Variants in KHDRBS2 observed in about 807,000 individuals in gnomAD.
KHDRBS2 encodes KH RNA binding domain containing, signal transduction associated 2.
KHDRBS2 carries 26 observed loss-of-function variants against 44.3 expected under a neutral mutation model. The ratio of observed to expected loss-of-function variants is 0.59; its 90% confidence interval spans 0.43 to 0.81. KHDRBS2 has a LOEUF of 0.81. KHDRBS2 is among the 40% of genes least tolerant of loss of function. KHDRBS2 has a pLI of 0.00. For synonymous variants in KHDRBS2, 194 were observed against 151.1 expected (o/e 1.28, Z -2.08); for missense variants, 476 against 433.1 (o/e 1.10, Z -0.88).
intron 6 of KHDRBS2, among the ~76,000 whole-genome samples, chr6:61,735,587 T>A (rs1345462816): frequency 6.6e-6 from 1 of 152,166 alleles, no homozygotes; most frequent in Non-Finnish European, 1.5e-5. Flanking sequence ...TCCCCAACCT[T>A]TTATTGCTTC....
intron 1 of KHDRBS2, among the ~76,000 whole-genome samples, chr6:62,224,938 T>G: frequency 6.6e-6 from 1 of 152,198 alleles, no homozygotes; most frequent in East Asian, 1.9e-4. Context: ...TTAACCATGA[T>G]CCCCAAGTTG....
At chr6:61,964,059 C>T (rs1401955044) in intron 4 of KHDRBS2, among the ~76,000 whole-genome samples, 1 of 151,966 alleles carries the variant, frequency 6.6e-6, no homozygotes, top group Non-Finnish European at 1.5e-5. Context: ...ACATGTACTT[C>T]TTTTCCTCTG....
chr6:61,845,685 A>AACT (rs1794302776), intron 6 of KHDRBS2, among the ~76,000 whole-genome samples: 1 of 152,178 alleles, frequency 6.6e-6, no homozygotes, highest in Admixed American at 6.5e-5. Flanking sequence ...CTTCTCACTA[A>AACT]ACTACTACTG....
intron 4 of KHDRBS2, among the ~76,000 whole-genome samples, chr6:61,943,481 AC>A (rs1369142997): frequency 5.9e-5 from 9 of 152,130 alleles, no homozygotes; most frequent in African/African-American, 2.2e-4. Context: ...ATATCAATAA[AC>A]TTGAATGTAA....
chr6:61,770,924 G>C (rs992730674), intron 6 of KHDRBS2, among the ~76,000 whole-genome samples: 1 of 152,148 alleles, frequency 6.6e-6, no homozygotes, highest in Non-Finnish European at 1.5e-5. Context: ...AAATGTTAAG[G>C]GCAGCCAGAG....
At chr6:61,786,191 GGAGA>G (rs142950018) in intron 6 of KHDRBS2, among the ~76,000 whole-genome samples, 2 of 151,448 alleles carry the variant, frequency 1.3e-5, no homozygotes, top group East Asian at 3.9e-4. Context: ...AGAGGGAGAG[GGAGA>G]GAGAGAGAGA....
chr6:62,271,361 G>A (rs1840059960), intron 1 of KHDRBS2, among the ~76,000 whole-genome samples: 1 of 152,058 alleles, frequency 6.6e-6, no homozygotes, highest in Non-Finnish European at 1.5e-5. Flanking sequence ...AACCTACTGT[G>A]CTGCCAGTAG....
At chr6:62,092,634 G>A (rs1799697752) in intron 2 of KHDRBS2, among the ~76,000 whole-genome samples, 1 of 151,972 alleles carries the variant, frequency 6.6e-6, no homozygotes, top group Admixed American at 6.6e-5. Flanking sequence ...CTATTACATT[G>A]TTTCCTAAAG....
chr6:62,236,401 C>T (rs1252805066), intron 1 of KHDRBS2, among the ~76,000 whole-genome samples: 2 of 151,844 alleles, frequency 1.3e-5, no homozygotes, highest in East Asian at 1.9e-4. Flanking sequence ...GGATTTACAA[C>T]ATAATTCTAC....
the KHDRBS2 span, among the ~76,000 whole-genome samples, chr6:61,621,473 C>A: frequency 6.6e-6 from 1 of 152,184 alleles, no homozygotes; most frequent in Non-Finnish European, 1.5e-5. Context: ...AGAGCTGACA[C>A]AGCTGAGTAG....
At chr6:61,624,427 A>G in the KHDRBS2 span, among the ~76,000 whole-genome samples, 2 of 152,220 alleles carry the variant, frequency 1.3e-5, no homozygotes, top group African/African-American at 4.8e-5. Context: ...TAGAAGAACC[A>G]GGAGATCACC....
the KHDRBS2 span, among the ~76,000 whole-genome samples, chr6:61,592,188 C>CAAAAAAAAAAAA: frequency 8.2e-6 from 1 of 122,280 alleles, no homozygotes. Context: ...AAGATCCCAC[C>CAAAAAAAAAAAA]AAAAAAAAAA....
At chr6:62,169,048 T>TC (rs1167432141) in intron 2 of KHDRBS2, among the ~76,000 whole-genome samples, 2 of 140,594 alleles carry the variant, frequency 1.4e-5, no homozygotes, top group African/African-American at 2.6e-5. Context: ...TATATATATA[T>TC]ATATATATAT....
intron 2 of KHDRBS2, among the ~76,000 whole-genome samples, chr6:62,098,143 T>C (rs1284877231): frequency 6.6e-6 from 1 of 152,112 alleles, no homozygotes; most frequent in Admixed American, 6.6e-5. Flanking sequence ...CTTATCTTCA[T>C]TCTAAAGATA....
the KHDRBS2 span, among the ~76,000 whole-genome samples, chr6:61,561,369 G>C: frequency 9.2e-5 from 14 of 152,202 alleles, no homozygotes; most frequent in South Asian, 2.3e-3. Context: ...TCTACTACCT[G>C]GCTACTGCCT....
At chr6:62,226,522 G>A in intron 1 of KHDRBS2, among the ~76,000 whole-genome samples, 1 of 152,148 alleles carries the variant, frequency 6.6e-6, no homozygotes, top group East Asian at 1.9e-4. Context: ...TTGTTGTGCA[G>A]AAGATCTTTA....
the KHDRBS2 span, among the ~76,000 whole-genome samples, chr6:61,656,359 A>C: frequency 1.3e-5 from 2 of 151,914 alleles, no homozygotes; most frequent in African/African-American, 4.8e-5. Context: ...AATCCTATGA[A>C]GTTCTCATTT....
At chr6:62,062,042 T>A (rs1475693994) in intron 2 of KHDRBS2, among the ~76,000 whole-genome samples, 1 of 151,652 alleles carries the variant, frequency 6.6e-6, no homozygotes, top group Non-Finnish European at 1.5e-5. Flanking sequence ...GGCCATTACA[T>A]AATGGTAAAG....
At chr6:61,802,295 T>A (rs758106335) in intron 6 of KHDRBS2, among the ~76,000 whole-genome samples, 2 of 152,160 alleles carry the variant, frequency 1.3e-5, no homozygotes, top group Non-Finnish European at 2.9e-5. Flanking sequence ...TGTGTGATAA[T>A]AAGTCAATAT....
Sources: allele counts gnomAD v4.1 joint callset (sites outside exome capture counted in the v4.1 genomes callset), GRCh38; gene constraint gnomAD v4.1.1; transcripts MANE v1.5; gene names NCBI Gene and HGNC (gene_info 2026-07-23, HGNC 2026-07-21).